Variants in AAMDC observed in about 807,000 individuals in gnomAD.
The protein encoded by AAMDC is adipogenesis associated Mth938 domain containing, also known as mth938 domain-containing protein.
Under a neutral mutation model 15.5 loss-of-function variants are expected in AAMDC, and 16 were observed. The observed-to-expected ratio is 1.03, with a 90% CI of 0.70 to 1.57. The LOEUF (loss-of-function observed/expected upper bound fraction) is 1.57, where lower values mean the gene tolerates loss of function less well. Among genes scored for constraint, AAMDC ranks in the 40% most tolerant of loss-of-function variants. AAMDC has a pLI of 0.00. For missense variants in AAMDC, 141 were observed against 144.9 expected, an observed-to-expected ratio of 0.97 and a Z score of 0.14; for synonymous variants, 51 against 51.6, an observed-to-expected ratio of 0.99 and a Z score of 0.05.
intron 5 of AAMDC, among the ~76,000 whole-genome samples, chr11:77,896,234 G>A (rs2136417018): frequency 6.6e-6 from 1 of 151,926 alleles, no homozygotes; most frequent in East Asian, 1.9e-4. Flanking sequence ...GAAAAAAAAG[G>A]AAAAAAATAG....
At chr11:77,899,531 A>G (rs1273675483) in intron 5 of AAMDC, among the ~76,000 whole-genome samples, 7 of 151,702 alleles carry the variant, frequency 4.6e-5, no homozygotes, top group Non-Finnish European at 1.0e-4. Flanking sequence ...TTAGCCGGGC[A>G]TGGTGTTGCA....
intron 5 of AAMDC, chr11:77,878,610 G>C: frequency 1.7e-6 from 1 of 582,316 alleles, no homozygotes; most frequent in East Asian, 2.8e-5. Context: ...GTTATCAGGA[G>C]GTAACTGGAT....
chr11:77,833,362 C>T (rs1315783460), intron 1 of AAMDC, among the ~76,000 whole-genome samples: 1 of 152,080 alleles, frequency 6.6e-6, no homozygotes, highest in African/African-American at 2.4e-5. Flanking sequence ...GAGACAGTGA[C>T]AGATCATCAG....
intron 1 of AAMDC, among the ~76,000 whole-genome samples, chr11:77,825,321 T>C (rs954156534): frequency 6.6e-6 from 1 of 152,028 alleles, no homozygotes; most frequent in Non-Finnish European, 1.5e-5. Context: ...AGTAAATGTA[T>C]ATTGAGGCAA....
downstream of AAMDC, chr11:77,876,900 C>A: frequency 2.9e-6 from 2 of 694,110 alleles, no homozygotes; most frequent in African/African-American, 1.8e-5. Flanking sequence ...TCTATAATTA[C>A]AGCACGATGG....
intron 1 of AAMDC, among the ~76,000 whole-genome samples, chr11:77,825,787 G>T (rs566751426): frequency 1.3e-5 from 2 of 151,352 alleles, no homozygotes; most frequent in African/African-American, 4.9e-5. Flanking sequence ...TGCCTCCTAA[G>T]TTCAAGTGAT....
Position 77,842,569 on chromosome 11 carries a change from G to A in AAMDC, c.73G>A (p.Asp25Asn), listed in dbSNP as rs377429739. The A allele has an allele frequency of 2.0e-5, 32 of 1,614,020 alleles. No individual in the cohort carries two copies. Among genetic ancestry groups the A allele is most frequent in the Non-Finnish European group, 2.7e-5 (32 of 1,180,002 alleles). ...AAAAGGCTCTAATACAACCTATAAGGACTGCAAAGTATGGCCAGGGGGTAG... is the reference window on the plus strand; with the variant it reads ...AAAAGGCTCTAATACAACCTATAAGAACTGCAAAGTATGGCCAGGGGGTAG... ...KVKGSNTTYK[D>N]CKVWPGGSRT... The change falls in exon 2 of 4, where the codon GAC (aspartate) becomes AAC (asparagine). Residue 25 changes from aspartate (D) to asparagine (N), a missense_variant. By Grantham distance (23) the Asp-to-Asn change is conservative. Transcript: ENST00000393427.
chr11:77,902,045 A>AGATCAAGTCCCC (rs1001356429), downstream of AAMDC, among the ~76,000 whole-genome samples: 4 of 152,224 alleles, frequency 2.6e-5, no homozygotes, highest in Non-Finnish European at 4.4e-5. Flanking sequence ...CTATGACCCC[A>AGATCAAGTCCCC]GATCAAGTCC....
At chr11:77,894,583 A>G (rs1952430598) in intron 5 of AAMDC, among the ~76,000 whole-genome samples, 1 of 152,218 alleles carries the variant, frequency 6.6e-6, no homozygotes, top group South Asian at 2.1e-4. Flanking sequence ...TAAAAATCAA[A>G]GAGTATCACA....
chr11:77,888,530 TA>T lies in AAMDC; in HGVS notation c.328+11485del, dbSNP rs1285200610. ...TAGGCATGGGCAAGGACTTCATGTC[TA>T]AAACAGCAAAAGCAATGGCAACAAA... On this transcript the variant is annotated intron_variant, in intron 5 of 5. Transcript: ENST00000304716. Among the ~76,000 whole-genome samples the T allele has an allele frequency of 3.3e-5, 5 of 152,080 alleles. 1 individual carries two copies. Among genetic ancestry groups the T allele is most frequent in the Admixed American group, 3.3e-4 (5 of 15,268 alleles).
In AAMDC at chr11:77,872,104, G is replaced by A. The variant is rs1033914799; in HGVS notation, c.229-71G>A. The A allele has an allele frequency of 5.3e-6, 8 of 1,501,476 alleles. No individual in the cohort carries two copies. The African/African-American group carries it at 8.3e-5, about 16-fold the overall frequency. 93.0% of individuals were successfully genotyped at this position (1,501,476 alleles called of 1,614,324 possible). The stretch of plus-strand genomic sequence containing the variant: ...CTGTCTAATTCTGTAGAGTACACCT[G>A]CCTCATGGCAGTAAAGGAACCCCTG... On this transcript the variant is annotated intron_variant, in intron 3 of 3. Coordinates refer to ENST00000393427, the MANE Select transcript of AAMDC (RefSeq NM_024684.4).
chr11:77,862,517 T>C (rs1294318635), intron 2 of AAMDC, among the ~76,000 whole-genome samples: 1 of 152,188 alleles, frequency 6.6e-6, no homozygotes, highest in Non-Finnish European at 1.5e-5. Flanking sequence ...AATTGGGGAA[T>C]ATTGGCACTC....
intron 5 of AAMDC, among the ~76,000 whole-genome samples, chr11:77,886,859 A>G (rs1451436325): frequency 6.6e-6 from 1 of 152,196 alleles, no homozygotes; most frequent in Non-Finnish European, 1.5e-5. Flanking sequence ...CTGGGTACAT[A>G]ACGAAATGAA....
chr11:77,852,326 G>T (rs993872453), intron 2 of AAMDC, among the ~76,000 whole-genome samples: 1 of 151,746 alleles, frequency 6.6e-6, no homozygotes, highest in Non-Finnish European at 1.5e-5. Flanking sequence ...TTTGACATAC[G>T]GAATTTGGTT....
chr11:77,870,461 C>T (rs920999899), intron 3 of AAMDC, among the ~76,000 whole-genome samples: 15 of 150,958 alleles, frequency 9.9e-5, no homozygotes, highest in Non-Finnish European at 2.2e-4. Context: ...CTCAGCCTCC[C>T]GAGTAGCTGG....
intron 2 of AAMDC, chr11:77,866,653 G>A (rs1380654661): frequency 6.6e-6 from 1 of 151,770 alleles, no homozygotes; most frequent in Non-Finnish European, 1.5e-5. Flanking sequence ...CTTACACTTG[G>A]ATTTCCAGCA....
intron 5 of AAMDC, chr11:77,884,012 T>G (rs1951892559): frequency 4.5e-6 from 7 of 1,550,690 alleles, no homozygotes; most frequent in Non-Finnish European, 6.2e-6. Flanking sequence ...ACAAAATGGA[T>G]GATGACATCT....
chr11:77,845,432 C>CT (rs906812731), intron 2 of AAMDC, among the ~76,000 whole-genome samples: 58 of 144,270 alleles, frequency 4.0e-4, no homozygotes, highest in African/African-American at 9.1e-4. Context: ...TTTTTCTTTT[C>CT]TTTTTTTTTG....
chr11:77,821,793 A>G (rs917589350), intron 1 of AAMDC, among the ~76,000 whole-genome samples: 7 of 152,142 alleles, frequency 4.6e-5, no homozygotes, highest in Non-Finnish European at 1.0e-4. Context: ...GTAAAATAGA[A>G]TGTGCAGCCT....
Sources: allele counts gnomAD v4.1 joint callset (sites outside exome capture counted in the v4.1 genomes callset), GRCh38; gene constraint gnomAD v4.1.1; transcripts MANE v1.5; gene names NCBI Gene and HGNC (gene_info 2026-07-23, HGNC 2026-07-21).